The following RIMS2 variants were observed in gnomAD, a reference collection of about 807,000 sequenced individuals.
RIMS2 encodes the protein regulating synaptic membrane exocytosis protein 2.
A neutral mutation model predicts 174.4 loss-of-function variants in RIMS2; 59 were observed. That is an observed-to-expected ratio of 0.34 (90% CI 0.27 to 0.42). RIMS2 has a LOEUF of 0.42. Among genes scored for constraint, RIMS2 ranks in the 10% least tolerant of loss-of-function variants. The probability of loss-of-function intolerance (pLI) is 1.00; values close to 1 mark genes in which losing one functional copy is unlikely to be tolerated. For missense variants in RIMS2, 1,620 were observed against 1,666.3 expected, an observed-to-expected ratio of 0.97 and a Z score of 0.48; for synonymous variants, 606 against 572.5, an observed-to-expected ratio of 1.06 and a Z score of -0.84.
rs1049469444 is a variant in RIMS2, at chr8:103,521,056, G to A, written c.176+19994G>A. The stretch of plus-strand genomic sequence containing the variant: ...TTCCGTGGTGTACCAAACACTGCGT[G>A]TTCTCACTCATAGGTGGGAATTGAA... On this transcript the variant is annotated intron_variant, in intron 1 of 23. Coordinates refer to ENST00000504942, the Ensembl canonical transcript of RIMS2. Among the ~76,000 whole-genome samples, 4 of 149,626 alleles carry A rather than the reference G, an allele frequency of 2.7e-5. No homozygotes were observed. In the Admixed American group the frequency reaches 2.7e-4, roughly 10 times the overall value.
intron 19 of RIMS2, among the ~76,000 whole-genome samples, chr8:104,137,683 A>G (rs1328298415): frequency 6.6e-6 from 1 of 152,120 alleles, no homozygotes; most frequent in Non-Finnish European, 1.5e-5. Context: ...TGCCTTGTTT[A>G]TTTGTTCATT....
chr8:104,010,020 G>T (rs376805864), intron 17 of RIMS2, among the ~76,000 whole-genome samples: 1 of 145,208 alleles, frequency 6.9e-6, no homozygotes, highest in Non-Finnish European at 1.6e-5. Context: ...ATGGACGGAC[G>T]GATGGACGGA....
intron 14 of RIMS2, among the ~76,000 whole-genome samples, chr8:103,952,476 C>G (rs113190623): frequency 0.13 from 19,307 of 152,178 alleles, 1,694 homozygotes; most frequent in Non-Finnish European, 0.19. Flanking sequence ...ACAGGGTATG[C>G]AGCAGACCTC....
At chr8:103,646,547 A>G (rs2096336599) in intron 1 of RIMS2, among the ~76,000 whole-genome samples, 1 of 151,898 alleles carries the variant, frequency 6.6e-6, no homozygotes, top group Non-Finnish European at 1.5e-5. Flanking sequence ...CTCTCTCCGC[A>G]CCCAGTTCCG....
chr8:104,189,190 A>G (rs1400379472), intron 19 of RIMS2, among the ~76,000 whole-genome samples: 1 of 152,024 alleles, frequency 6.6e-6, no homozygotes, highest in Non-Finnish European at 1.5e-5. Context: ...TATGGGAATC[A>G]AAGAAAGAAA....
intron 4 of RIMS2, among the ~76,000 whole-genome samples, 174 bp downstream of exon 7, chr8:103,886,397 G>T (rs1194131053): frequency 1.3e-5 from 2 of 151,798 alleles, no homozygotes; most frequent in African/African-American, 4.8e-5. Flanking sequence ...ATCTTCTGTT[G>T]TTCATGTATA....
At chr8:104,078,171 A>C (rs1004208009) in intron 19 of RIMS2, among the ~76,000 whole-genome samples, 3 of 151,988 alleles carry the variant, frequency 2.0e-5, no homozygotes, top group African/African-American at 7.2e-5. Flanking sequence ...ACCAAAAAAA[A>C]AAAACACTTG....
chr8:103,869,908 T>C (rs2099102283), intron 3 of RIMS2, among the ~76,000 whole-genome samples: 1 of 152,140 alleles, frequency 6.6e-6, no homozygotes, highest in Admixed American at 6.6e-5. Flanking sequence ...TTGTGGCAGT[T>C]AGGGGAGGGG....
intron 19 of RIMS2, among the ~76,000 whole-genome samples, chr8:104,103,998 T>A (rs2097969948): frequency 1.3e-5 from 2 of 152,272 alleles, no homozygotes; most frequent in South Asian, 4.1e-4. Context: ...AAGGCAAACC[T>A]ACTAGAGTAA....
intron 1 of RIMS2, among the ~76,000 whole-genome samples, 178 bp downstream of exon 1, chr8:103,501,240 G>C (rs2130714425): frequency 6.6e-6 from 1 of 152,068 alleles, no homozygotes; most frequent in East Asian, 1.9e-4. Flanking sequence ...CTGAGAGCAG[G>C]GGTGTGTGTC....
At chr8:103,514,374 G>A (rs146841249) in intron 1 of RIMS2, among the ~76,000 whole-genome samples, 1 of 151,826 alleles carries the variant, frequency 6.6e-6, no homozygotes, top group Non-Finnish European at 1.5e-5. Flanking sequence ...CCTTTTTCAC[G>A]TGATTCCACA....
At chr8:103,878,098 G>A (rs973359912) in intron 3 of RIMS2, among the ~76,000 whole-genome samples, 7 of 151,712 alleles carry the variant, frequency 4.6e-5, no homozygotes, top group East Asian at 3.9e-4. Flanking sequence ...GAATTCTCAC[G>A]ATATCTGATG....
chr8:103,921,333 C>T (rs1285221192), intron 9 of RIMS2, among the ~76,000 whole-genome samples: 1 of 151,984 alleles, frequency 6.6e-6, no homozygotes, highest in East Asian at 1.9e-4. Context: ...TTTGATTACT[C>T]CTTGTTTCTA....
At chr8:103,625,818 T>C (rs2134935017) in intron 1 of RIMS2, among the ~76,000 whole-genome samples, 1 of 152,202 alleles carries the variant, frequency 6.6e-6, no homozygotes, top group East Asian at 1.9e-4. Flanking sequence ...ATTATTCTGC[T>C]TTTATGATAG....
chr8:103,865,452 T>C (rs1371999444), intron 3 of RIMS2, among the ~76,000 whole-genome samples: 1 of 151,580 alleles, frequency 6.6e-6, no homozygotes, highest in Non-Finnish European at 1.5e-5. Context: ...ACCCAGCTAA[T>C]TTCTGTATTT....
At chr8:103,586,826 C>T (rs773967110) in intron 1 of RIMS2, among the ~76,000 whole-genome samples, 49 of 151,484 alleles carry the variant, frequency 3.2e-4, no homozygotes, top group Non-Finnish European at 4.6e-4. Context: ...TTAAAAAAAT[C>T]GACAAATCTT....
intron 3 of RIMS2, among the ~76,000 whole-genome samples, chr8:103,884,143 G>A (rs941778743): frequency 4.0e-5 from 6 of 151,760 alleles, no homozygotes; most frequent in African/African-American, 9.7e-5. Context: ...TCTGTGACCC[G>A]GGGGAGATAT....
intron 1 of RIMS2, among the ~76,000 whole-genome samples, chr8:103,591,662 A>G (rs1302779843): frequency 1.3e-5 from 2 of 151,168 alleles, no homozygotes; most frequent in African/African-American, 4.8e-5. Flanking sequence ...ATTAGTTGTT[A>G]AACAAAATTT....
At chr8:104,118,770 G>C (rs1309981428) in intron 19 of RIMS2, among the ~76,000 whole-genome samples, 1 of 152,146 alleles carries the variant, frequency 6.6e-6, no homozygotes, top group Non-Finnish European at 1.5e-5. Context: ...GGTTCTGGGA[G>C]GCTTGTGCCA....
Sources: allele counts gnomAD v4.1 joint callset (sites outside exome capture counted in the v4.1 genomes callset), GRCh38; gene constraint gnomAD v4.1.1; transcripts MANE v1.5; gene names NCBI Gene and HGNC (gene_info 2026-07-23, HGNC 2026-07-21).